Variants in SGSM1 observed in about 807,000 individuals in gnomAD.
SGSM1 encodes the protein small G protein signaling modulator 1.
SGSM1 carries 73 observed loss-of-function variants against 133.8 expected under a neutral mutation model. That is an observed-to-expected ratio of 0.55 (90% CI 0.45 to 0.66). SGSM1 has a LOEUF of 0.66. Ranked by LOEUF, SGSM1 falls within the 30% of genes least tolerant of loss-of-function variation. SGSM1 has a pLI of 0.00. For missense variants in SGSM1, 1,213 were observed against 1,448.1 expected (o/e 0.84, Z 2.64); for synonymous variants, 563 against 573.0 (o/e 0.98, Z 0.25).
chr22:24,813,369 G>A lies in SGSM1; in HGVS notation c.63+6885G>A, dbSNP rs1167815821. 1.6e-4 allele frequency among the ~76,000 whole-genome samples: 24 copies of A among 152,204 alleles called. 1 individual carries two copies. Among genetic ancestry groups the A allele is most frequent in the Admixed American group, 1.6e-3 (24 of 15,282 alleles). On this transcript the variant is annotated intron_variant, in intron 2 of 24. Coordinates refer to ENST00000400358, the MANE Select transcript of SGSM1 (RefSeq NM_001098497.3). The stretch of plus-strand genomic sequence containing the variant: ...CAGGCAAGTTTTGGGGACAAGTTGA[G>A]AGGAAGCAAAGACACCAGATCATCA...
intron 24 of SGSM1, 144 bp from the exon 25 acceptor site, chr22:24,924,042 G>C: frequency 2.9e-6 from 2 of 685,516 alleles, no homozygotes; most frequent in Non-Finnish European, 5.1e-6. Context: ...CTAAGGTCCA[G>C]AGGTAGAGGC....
chr22:24,834,444 C>T (rs946377969), intron 2 of SGSM1, among the ~76,000 whole-genome samples: 2 of 152,216 alleles, frequency 1.3e-5, no homozygotes, highest in Non-Finnish European at 2.9e-5. Context: ...TTATCTATGG[C>T]TGCTTTCATG....
intron 9 of SGSM1, among the ~76,000 whole-genome samples, chr22:24,866,534 T>G (rs1655490914): frequency 6.6e-6 from 1 of 152,200 alleles, no homozygotes; most frequent in African/African-American, 2.4e-5. Context: ...GGTAGTAGCT[T>G]CAGGCATGGA....
intron 16 of SGSM1, among the ~76,000 whole-genome samples, chr22:24,888,346 GT>G (rs892945746): frequency 2.6e-5 from 4 of 151,264 alleles, no homozygotes; most frequent in African/African-American, 4.9e-5. Flanking sequence ...AATCTTTTGA[GT>G]TTTTTTTTCT....
At chr22:24,906,179 A>T (rs932922637) in intron 21 of SGSM1, among the ~76,000 whole-genome samples, 1 of 152,214 alleles carries the variant, frequency 6.6e-6, no homozygotes, top group African/African-American at 2.4e-5. Flanking sequence ...AATCATATCA[A>T]TTGACACAGA....
Position 24,898,286 on chromosome 22 carries a change from G to A in SGSM1, c.2337G>A (p.Gln779=). ...CTCCCCGGGAGGAGCTGGCCGTGCA[G>A]GACAGCCTGGAGAGTGACCTCCTGG... ...DEAPREELAV[Q]DSLESDLLAN... Residue 779 remains glutamine (Q), a synonymous_variant, in exon 19 of 25, where the codon CAG becomes CAA. Transcript: ENST00000400358. 6.2e-7 allele frequency: 1 copy of A among 1,613,956 alleles called. No individual in the cohort carries two copies.
At chr22:24,809,713 A>C (rs1407297238) in intron 2 of SGSM1, among the ~76,000 whole-genome samples, 1 of 152,104 alleles carries the variant, frequency 6.6e-6, no homozygotes, top group Admixed American at 6.5e-5. Context: ...CCCCTTGTAG[A>C]TGGGCCCTGT....
chr22:24,852,888 C>T (rs139677), intron 5 of SGSM1, among the ~76,000 whole-genome samples: 30,039 of 151,998 alleles, frequency 0.2, 3,755 homozygotes, highest in African/African-American at 0.35. Context: ...GATTTGACAC[C>T]AAAATGTACA....
intron 16 of SGSM1, among the ~76,000 whole-genome samples, chr22:24,888,544 G>A (rs534709137): frequency 9.9e-5 from 15 of 152,070 alleles, no homozygotes; most frequent in Admixed American, 8.5e-4. Flanking sequence ...GAGGCAGGTG[G>A]ATCACCTGAG....
In SGSM1 at chr22:24,885,864, C is replaced by T. The variant is rs546583751; in HGVS notation, c.1642-736C>T. On this transcript the variant is annotated intron_variant, in intron 15 of 24. Transcript: ENST00000400358. The stretch of plus-strand genomic sequence containing the variant: ...AGTTTGGCTTTTTCATATGATGCCA[C>T]GACAGATATCCAAGTACCTGTGACT... 9.9e-5 allele frequency among the ~76,000 whole-genome samples: 15 copies of T among 152,256 alleles called. No homozygotes were observed. In the South Asian group the frequency reaches 2.7e-3, roughly 27 times the overall value.
In SGSM1 at chr22:24,845,926, C is replaced by CTTTCTTTTCTTTTCTTTTCTTTTCT. The variant is rs1216524285; in HGVS notation, c.139+976_139+977insTCTTTTCTTTTCTTTTCTTTTCTTT. Among the ~76,000 whole-genome samples the CTTTCTTTTCTTTTCTTTTCTTTTCT allele has an allele frequency of 8.2e-5, 12 of 147,044 alleles. No homozygotes were observed. In the East Asian group the frequency reaches 1.2e-3, roughly 15 times the overall value. Reference sequence around the variant, plus strand: ...TCTTGTAATTGACTTTGGGCAAGATCTTTCTTTTCTTTTCTTTTCTTTCTT... The same window carrying CTTTCTTTTCTTTTCTTTTCTTTTCT: ...TCTTGTAATTGACTTTGGGCAAGATCTTTCTTTTCTTTTCTTTTCTTTTCTTTTCTTTTCTTTTCTTTTCTTTCTT... On this transcript the variant is annotated intron_variant, in intron 3 of 24. Transcript: ENST00000400358.
chr22:24,840,158 A>T (rs908455814), intron 2 of SGSM1, among the ~76,000 whole-genome samples: 8 of 151,718 alleles, frequency 5.3e-5, no homozygotes, highest in African/African-American at 1.9e-4. Context: ...GTTAGCCAGG[A>T]TGGTCTCGAT....
In SGSM1 at chr22:24,855,268, C is replaced by T. The variant is rs1449010727; in HGVS notation, c.524-17C>T. On this transcript the variant is annotated splice_polypyrimidine_tract_variant and intron_variant, in intron 6 of 24. Coordinates refer to ENST00000400358, the MANE Select transcript of SGSM1 (RefSeq NM_001098497.3). ...CTTTCCGGGGCAGTGGGTTTCCAGCCCCCACATGCCCCTCAGTGGGGCCCT... is the reference window on the plus strand; with the variant it reads ...CTTTCCGGGGCAGTGGGTTTCCAGCTCCCACATGCCCCTCAGTGGGGCCCT... 6.2e-7 allele frequency: 1 copy of T among 1,602,808 alleles called. No individual in the cohort carries two copies. The highest frequency in any genetic ancestry group is 1.7e-5 in the Admixed American group (1 of 58,236).
chr22:24,822,775 G>C lies in SGSM1; in HGVS notation c.63+16291G>C, dbSNP rs930732890. Among the ~76,000 whole-genome samples, 4 of 152,176 alleles carry C rather than the reference G, an allele frequency of 2.6e-5. No individual in the cohort carries two copies. The South Asian group carries it at 8.3e-4, about 32-fold the overall frequency. ...AGGTGCATTGGTTGCTCTGCCACTG[G>C]GGTCTCCACTGCAACATGGGGCTCC... is the stretch of plus-strand genomic sequence containing the variant. On this transcript the variant is annotated intron_variant, in intron 2 of 24. Coordinates refer to ENST00000400358, the MANE Select transcript of SGSM1 (RefSeq NM_001098497.3).
Position 24,817,620 on chromosome 22 carries a change from G to A in SGSM1, c.63+11136G>A, listed in dbSNP as rs558983374. Among the ~76,000 whole-genome samples the A allele has an allele frequency of 4.1e-4, 62 of 152,218 alleles. 1 individual carries two copies. Among genetic ancestry groups the A allele is most frequent in the South Asian group, 2.7e-3 (13 of 4,816 alleles). ...CCCACCTCAGCCTCCCCAAGTGCTG[G>A]GATTACAGGCGTGAGCCACCGCTCC... On this transcript the variant is annotated intron_variant, in intron 2 of 24. Transcript: ENST00000400358.
chr22:24,856,030 C>CATCCATCCATCCCTCCATCT, intron 8 of SGSM1: 1 of 435,710 alleles, frequency 2.3e-6, no homozygotes, highest in African/African-American at 2.0e-5. Context: ...TCCATCCATC[C>CATCCATCCATCCCTCCATCT]ATCCATCCAT....
intron 2 of SGSM1, among the ~76,000 whole-genome samples, chr22:24,841,799 A>T (rs371936010): frequency 2.6e-5 from 4 of 152,186 alleles, no homozygotes; most frequent in Non-Finnish European, 5.9e-5. Flanking sequence ...ATCTCGCTCT[A>T]TCGCCAGGCT....
Position 24,822,848 on chromosome 22 carries a change from G to A in SGSM1, c.63+16364G>A, listed in dbSNP as rs556855666. Among the ~76,000 whole-genome samples the A allele has an allele frequency of 2.0e-5, 3 of 152,340 alleles. No individual in the cohort carries two copies. In the East Asian group the frequency reaches 5.8e-4, roughly 29 times the overall value. On this transcript the variant is annotated intron_variant, in intron 2 of 24. Coordinates refer to ENST00000400358, the MANE Select transcript of SGSM1 (RefSeq NM_001098497.3). Reference sequence around the variant, plus strand: ...GTCCCAGCCTCCTCACAGGTCTGATGGTCTGATGGTGTTTGCCTCTCCCAG... The same window carrying A: ...GTCCCAGCCTCCTCACAGGTCTGATAGTCTGATGGTGTTTGCCTCTCCCAG...
rs369028775 is a variant in SGSM1, at chr22:24,821,415, C to T, written c.63+14931C>T. Among the ~76,000 whole-genome samples the T allele has an allele frequency of 1.7e-4, 26 of 152,330 alleles. No individual in the cohort carries two copies. In the South Asian group the frequency reaches 5.2e-3, roughly 30 times the overall value. On this transcript the variant is annotated intron_variant, in intron 2 of 24. Coordinates refer to ENST00000400358, the MANE Select transcript of SGSM1 (RefSeq NM_001098497.3). ...GCAGAGGGAATGGCAGGAGCAAAAG[C>T]ACTGAGGCAGGGAGGAACGTGCAGC...
Sources: gnomAD v4.1 joint callset for allele counts (sites outside exome capture counted in the v4.1 genomes callset) on GRCh38, gnomAD v4.1.1 for gene constraint, MANE v1.5 for transcripts, NCBI Gene and HGNC (gene_info 2026-07-23, HGNC 2026-07-21) for gene names.